SLC22A17: variants seen among roughly 807,000 people sequenced by gnomAD.
SLC22A17 encodes solute carrier family 22 member 17.
In SLC22A17, 38 loss-of-function variants were observed where a neutral mutation model predicts 53.6. The ratio of observed to expected loss-of-function variants is 0.71; its 90% CI spans 0.55 to 0.93. The LOEUF is 0.93. Among genes scored for constraint, SLC22A17 ranks in the 40% least tolerant of loss-of-function variants. The pLI is 0.00. For missense variants in SLC22A17, 704 were observed against 791.0 expected (o/e 0.89, Z 1.32); for synonymous variants, 379 against 353.0 (o/e 1.07, Z -0.82).
Position 23,347,075 on chromosome 14 carries a change from G to A in SLC22A17, c.1661+26C>T, listed in dbSNP as rs1204166617. ...GCGGGAGGCGAGGGGGCCCGGCTCT[G>A]CCCCTGGGGGCACCCCTGCTCTCAC... On this transcript the variant is annotated intron_variant, in intron 9 of 9. Coordinates refer to ENST00000397267, the Ensembl canonical transcript of SLC22A17. This position sits in a 1 kb window ranked among gnomAD's most constrained non-coding sequence, Gnocchi z 5.1. The A allele has an allele frequency of 6.3e-7, 1 of 1,597,546 alleles. No homozygotes were observed. The highest frequency in any genetic ancestry group is 8.5e-7 in the Non-Finnish European group (1 of 1,171,590).
chr14:23,347,222 C>T lies in SLC22A17; in HGVS notation c.1550-10G>A. ...GCAGCCTCGTTCAGATCTGCAGAAG[C>T]AAGAGGGATGATATGAATGCAGGTG... On this transcript the variant is annotated splice_polypyrimidine_tract_variant and intron_variant, in intron 8 of 9. Coordinates refer to ENST00000397267, the Ensembl canonical transcript of SLC22A17. The surrounding 1 kb of genome is among the most constrained non-coding windows in gnomAD (Gnocchi z 5.1). The T allele has an allele frequency of 1.2e-6, 2 of 1,608,506 alleles. No individual in the cohort carries two copies. Among genetic ancestry groups the T allele is most frequent in the Non-Finnish European group, 8.5e-7 (1 of 1,176,602 alleles).
rs1372470075 is a variant in SLC22A17 at position 23,352,845 on chromosome 14, C to CGCTCTGCA, written c.-112_-105dup. The CGCTCTGCA allele has an allele frequency of 2.5e-6, 1 of 397,898 alleles. No homozygotes were observed. The highest frequency in any genetic ancestry group is 3.6e-5 in the East Asian group (1 of 28,048). The allele number at this position is 397,898 out of a possible 1,614,324, so 24.6% of individuals were successfully genotyped here. On this transcript the variant is annotated 5_prime_UTR_variant, in exon 1 of 10. Coordinates refer to ENST00000397267, the Ensembl canonical transcript of SLC22A17. The surrounding 1 kb of genome is among the most constrained non-coding windows in gnomAD (Gnocchi z 7.2). ...GGACACAGACAGCTCGAAGAGATCC[C>CGCTCTGCA]GCTCTGCAGCTCTGCAGCCGCGGGC...
intron 4 of SLC22A17, 36 bp downstream of exon 4, chr14:23,349,236 A>G (rs1595010189): frequency 6.2e-7 from 1 of 1,613,756 alleles, no homozygotes; most frequent in Non-Finnish European, 8.5e-7. Context: ...TAGGCATGAG[A>G]CCCAAGGGAG....
At position 23,347,072 on chromosome 14, in the gene SLC22A17, T is replaced by C; in HGVS notation, c.1661+29A>G. 6.3e-7 allele frequency: 1 copy of C among 1,591,542 alleles called. No individual in the cohort carries two copies. The highest frequency in any genetic ancestry group is 2.3e-5 in the East Asian group (1 of 44,390). On this transcript the variant is annotated intron_variant, in intron 9 of 9. Transcript: ENST00000397267. The surrounding 1 kb of genome is among the most constrained non-coding windows in gnomAD (Gnocchi z 5.1). ...GGAGCGGGAGGCGAGGGGGCCCGGC[T>C]CTGCCCCTGGGGGCACCCCTGCTCT...
chr14:23,346,577 A>T, exon 10 of SLC22A17: 3 of 1,423,042 alleles, frequency 2.1e-6, no homozygotes, highest in Non-Finnish European at 2.8e-6. Context: ...TGCCTTCCCT[A>T]CTCAGTCTTC....
At chr14:23,349,521 T>C in intron 3 of SLC22A17, 95 bp from the exon 4 acceptor site, 1 of 1,410,634 alleles carries the variant, frequency 7.1e-7, no homozygotes, top group East Asian at 2.5e-5. Context: ...GCTAGAGGTA[T>C]GAGAATGAAG....
intron 4 of SLC22A17, chr14:23,349,038 A>G (rs1368155297): frequency 1.6e-6 from 1 of 621,152 alleles, no homozygotes; most frequent in East Asian, 2.8e-5. Context: ...GGGGAATAGC[A>G]CCTTATTCCT....
chr14:23,346,376 G>A, exon 10 of SLC22A17: 1 of 433,180 alleles, frequency 2.3e-6, no homozygotes, highest in Non-Finnish European at 4.1e-6. Flanking sequence ...AAATAATGAG[G>A]TCTGGGTGGA....
At chr14:23,349,707 A>G (rs1889502868) in intron 3 of SLC22A17, 1 of 506,986 alleles carries the variant, frequency 2.0e-6, no homozygotes, top group African/African-American at 1.9e-5. Flanking sequence ...ATGTGACATC[A>G]CTCAACAGAG....
In SLC22A17 at chr14:23,348,557, C is replaced by T. The variant is rs1322314905; in HGVS notation, c.974G>A (p.Arg325Gln). The T allele has an allele frequency of 3.1e-6, 5 of 1,614,072 alleles. No homozygotes were observed. The highest frequency in any genetic ancestry group is 2.7e-5 in the African/African-American group (2 of 75,014). The change falls in exon 5 of 10, where the codon CGA (arginine) becomes CAA (glutamine). Residue 325 changes from arginine (R) to glutamine (Q), a missense_variant. By Grantham distance (43) the Arg-to-Gln change is conservative. Around this residue, in one of 4 missense-constraint regions of SLC22A17, gnomAD observed 435 missense variants for 529.0 expected, o/e 0.82. Transcript: ENST00000397267. The surrounding 1 kb of genome is among the most constrained non-coding windows in gnomAD (Gnocchi z 4.5). Reference sequence around the variant, plus strand: ...AGCGGTGATCATTCGCTGTAGGAATCGCCAATCCTTAGAGACAAGGGCCAG... The same window carrying T: ...AGCGGTGATCATTCGCTGTAGGAATTGCCAATCCTTAGAGACAAGGGCCAG...
At chr14:23,346,587 C>T (rs1889192140) in exon 10 of SLC22A17, 1 of 1,430,984 alleles carries the variant, frequency 7.0e-7, no homozygotes, top group Admixed American at 2.8e-5. Flanking sequence ...ACTCAGTCTT[C>T]CCGATCTTCT....
At position 23,352,074 on chromosome 14, in the gene SLC22A17, G is replaced by T. The variant is rs1449934316; in HGVS notation, c.474C>A (p.Ala158=). The T allele has an allele frequency of 6.3e-7, 1 of 1,597,830 alleles. No individual in the cohort carries two copies. Among genetic ancestry groups the T allele is most frequent in the South Asian group, 1.1e-5 (1 of 88,958 alleles). Reference sequence around the variant, plus strand: ...CGGTACTGGTGGCGACACGGCTGGCGGCGCTGGCTGCTAGGGCAGCGCTGG... The same window carrying T: ...CGGTACTGGTGGCGACACGGCTGGCTGCGCTGGCTGCTAGGGCAGCGCTGG... Residue 158 remains alanine (A), a synonymous_variant, in exon 2 of 10, where the codon GCC becomes GCA. Transcript: ENST00000397267. The surrounding 1 kb of genome is among the most constrained non-coding windows in gnomAD (Gnocchi z 7.2).
rs1889424170 is a variant in SLC22A17, at chr14:23,348,821, G to T, written c.860-150C>A. ...CCATTGCCTCCCTTGCTAACCTCTG[G>T]GTGGCAAGGACTGGGGAGACTGTTC... On this transcript the variant is annotated intron_variant, in intron 4 of 9. Coordinates refer to ENST00000397267, the Ensembl canonical transcript of SLC22A17. The surrounding 1 kb of genome is among the most constrained non-coding windows in gnomAD (Gnocchi z 4.5). The T allele has an allele frequency of 1.2e-6, 1 of 835,934 alleles. No individual in the cohort carries two copies. The highest frequency in any genetic ancestry group is 1.7e-5 in the African/African-American group (1 of 58,316). 51.8% of individuals were successfully genotyped at this position (835,934 alleles called of 1,614,324 possible).
chr14:23,348,253 A>G lies in SLC22A17; in HGVS notation c.1079T>C (p.Ile360Thr). 3.1e-6 allele frequency: 5 copies of G among 1,614,102 alleles called. No homozygotes were observed. Among genetic ancestry groups the G allele is most frequent in the Non-Finnish European group, 3.4e-6 (4 of 1,179,982 alleles). The change falls in exon 6 of 10, where the codon ATT becomes ACT. Residue 360 changes from isoleucine (I) to threonine (T), a missense_variant. Coordinates refer to ENST00000397267, the Ensembl canonical transcript of SLC22A17. This position sits in a 1 kb window ranked among gnomAD's most constrained non-coding sequence, Gnocchi z 4.5. ...CCTCAGCACAGACTGAGCCTCCTCAATCTGCCGCTTCACTATCAGCCACCG... is the reference window on the plus strand; with the variant it reads ...CCTCAGCACAGACTGAGCCTCCTCAGTCTGCCGCTTCACTATCAGCCACCG...
chr14:23,351,147 A>C (rs1889600634), intron 3 of SLC22A17: 1 of 152,174 alleles, frequency 6.6e-6, no homozygotes, highest in Admixed American at 6.5e-5. Context: ...CGGTGAGAGG[A>C]TCTCAAAGCC....
chr14:23,347,579 C>T lies in SLC22A17; in HGVS notation c.1430G>A (p.Gly477Asp). ...AAGGGTCATGGAGAGAAGAAGGATGCCCCGGCGGCCAAATCGGTCCACGGT... is the reference window on the plus strand; with the variant it reads ...AAGGGTCATGGAGAGAAGAAGGATGTCCCGGCGGCCAAATCGGTCCACGGT... The change falls in exon 8 of 10, where the codon GGC becomes GAC. Residue 477 changes from glycine (G) to aspartate (D), a missense_variant. By Grantham distance (94) the Gly-to-Asp change is moderately conservative (BLOSUM62 -1). Around this residue, in one of 4 missense-constraint regions of SLC22A17, gnomAD observed 435 missense variants for 529.0 expected, o/e 0.82. Transcript: ENST00000397267. The surrounding 1 kb of genome is among the most constrained non-coding windows in gnomAD (Gnocchi z 5.1). 2 of 1,614,016 alleles carry T rather than the reference C, an allele frequency of 1.2e-6. No individual in the cohort carries two copies. The highest frequency in any genetic ancestry group is 1.7e-6 in the Non-Finnish European group (2 of 1,179,988).
At chr14:23,351,466 C>T (rs1320488657) in intron 3 of SLC22A17, 3 of 385,656 alleles carry the variant, frequency 7.8e-6, no homozygotes, top group Non-Finnish European at 1.4e-5. Context: ...AGACTATTCT[C>T]TTTGGAGATG....
Position 23,348,245 on chromosome 14 carries a change from C to T in SLC22A17, c.1087G>A (p.Ala363Thr), listed in dbSNP as rs1188631643. The T allele has an allele frequency of 6.2e-7, 1 of 1,614,018 alleles. No individual in the cohort carries two copies. Among genetic ancestry groups the T allele is most frequent in the Admixed American group, 1.7e-5 (1 of 60,008 alleles). ...GCCAGGATCCTCAGCACAGACTGAG[C>T]CTCCTCAATCTGCCGCTTCACTATC... is the stretch of plus-strand genomic sequence containing the variant. Residue 363 changes from alanine (A) to threonine (T), a missense_variant, in exon 6 of 10, where the codon GCT becomes ACT. Around this residue, in one of 4 missense-constraint regions of SLC22A17, gnomAD observed 435 missense variants for 529.0 expected, o/e 0.82. Coordinates refer to ENST00000397267, the Ensembl canonical transcript of SLC22A17. The surrounding 1 kb of genome is among the most constrained non-coding windows in gnomAD (Gnocchi z 4.5).
At chr14:23,349,526 A>T (rs529338297) in intron 3 of SLC22A17, 100 bp from the exon 4 acceptor site, 424 of 1,379,578 alleles carry the variant, frequency 3.1e-4, no homozygotes, top group Non-Finnish European at 3.8e-4. Context: ...AGGTATGAGA[A>T]TGAAGTTCTG....
Sources: allele counts gnomAD v4.1 joint callset, GRCh38; gene constraint gnomAD v4.1.1; regional missense constraint gnomAD v4.1.1; non-coding constraint Gnocchi (gnomAD v3.1); transcripts MANE v1.5; gene names NCBI Gene and HGNC (gene_info 2026-07-23, HGNC 2026-07-21).